Variants in CDH18 observed in about 807,000 individuals in gnomAD.
The protein encoded by CDH18 is cadherin 18.
A neutral mutation model predicts 67.9 loss-of-function variants in CDH18; 31 were observed. The ratio of observed to expected loss-of-function variants is 0.46; its 90% CI spans 0.34 to 0.62. CDH18 has a LOEUF of 0.62. Among genes scored for constraint, CDH18 ranks in the 20% least tolerant of loss-of-function variants. The pLI is 0.01. For synonymous variants in CDH18, 362 were observed against 347.2 expected (o/e 1.04, Z -0.48); for missense variants, 890 against 975.5 (o/e 0.91, Z 1.17).
intron 2 of CDH18, among the ~76,000 whole-genome samples, chr5:20,018,374 T>G (rs1286262216): frequency 1.3e-5 from 2 of 152,084 alleles, no homozygotes; most frequent in African/African-American, 4.8e-5. Context: ...GACATAGAGT[T>G]TTAGGTTCCA....
chr5:19,960,381 C>T (rs1301255580), intron 2 of CDH18, among the ~76,000 whole-genome samples: 2 of 151,500 alleles, frequency 1.3e-5, no homozygotes, highest in Non-Finnish European at 2.9e-5. Flanking sequence ...CAAATCAGGC[C>T]TATGCTAGCT....
chr5:19,653,996 C>G (rs1755957443), intron 5 of CDH18, among the ~76,000 whole-genome samples: 1 of 152,122 alleles, frequency 6.6e-6, no homozygotes, highest in South Asian at 2.1e-4. Flanking sequence ...TAATGTTTCC[C>G]TAACTAGAGC....
intron 3 of CDH18, among the ~76,000 whole-genome samples, chr5:19,809,512 AAAACTT>A (rs1386424784): frequency 7.8e-6 from 1 of 127,462 alleles, no homozygotes; most frequent in African/African-American, 2.8e-5. Context: ...CATGTACCCT[AAAACTT>A]AAAGTATAAT....
intron 1 of CDH18, among the ~76,000 whole-genome samples, chr5:20,500,050 T>C (rs1002462240): frequency 6.6e-6 from 1 of 152,132 alleles, no homozygotes; most frequent in African/African-American, 2.4e-5. Flanking sequence ...AATATCTAGT[T>C]TCTAGGCTTA....
At chr5:19,599,495 T>C (rs1263941354) in intron 6 of CDH18, among the ~76,000 whole-genome samples, 1 of 152,182 alleles carries the variant, frequency 6.6e-6, no homozygotes, top group Non-Finnish European at 1.5e-5. Context: ...ACTTACAGTA[T>C]ATATTTTGGT....
intron 5 of CDH18, among the ~76,000 whole-genome samples, chr5:19,672,593 C>T (rs748765830): frequency 1.3e-5 from 2 of 151,962 alleles, no homozygotes; most frequent in Non-Finnish European, 1.5e-5. Context: ...GACCAAACAA[C>T]TTAGTAAAAT....
intron 2 of CDH18, among the ~76,000 whole-genome samples, chr5:20,004,016 G>A (rs1736678002): frequency 6.6e-6 from 1 of 152,114 alleles, no homozygotes; most frequent in South Asian, 2.1e-4. Context: ...ATCGTTTTTT[G>A]TATCATACTT....
chr5:19,547,386 G>A (rs928868552), intron 8 of CDH18, among the ~76,000 whole-genome samples: 39 of 152,136 alleles, frequency 2.6e-4, no homozygotes, highest in Non-Finnish European at 1.3e-4. Context: ...CTTCAAAGTT[G>A]CCTGCAGCAA....
intron 5 of CDH18, among the ~76,000 whole-genome samples, chr5:19,623,496 G>A (rs547945992): frequency 1.4e-3 from 209 of 152,184 alleles, no homozygotes; most frequent in African/African-American, 4.7e-3. Flanking sequence ...TAAAAAATTT[G>A]TGTGCTCAAA....
chr5:19,515,623 G>A (rs1047311614), intron 10 of CDH18, among the ~76,000 whole-genome samples: 1 of 152,078 alleles, frequency 6.6e-6, no homozygotes, highest in African/African-American at 2.4e-5. Context: ...TTGTGAATGG[G>A]AGTTCACTCA....
chr5:19,891,346 C>A (rs1788764422), intron 2 of CDH18, among the ~76,000 whole-genome samples: 1 of 152,048 alleles, frequency 6.6e-6, no homozygotes, highest in South Asian at 2.1e-4. Context: ...TGAGTAGAAA[C>A]CTTTCCCAAA....
intron 5 of CDH18, among the ~76,000 whole-genome samples, chr5:19,635,563 A>G (rs977217318): frequency 6.6e-6 from 1 of 152,126 alleles, no homozygotes; most frequent in East Asian, 1.9e-4. Context: ...ACATGTAGCA[A>G]TTTGTAGGGA....
At chr5:20,371,036 C>CAAAAAAAAAAAAA (rs879271018) in intron 1 of CDH18, among the ~76,000 whole-genome samples, 2 of 129,208 alleles carry the variant, frequency 1.5e-5, no homozygotes, top group East Asian at 2.3e-4. Context: ...GACTCTGTCT[C>CAAAAAAAAAAAAA]AAAAAAAAAA....
chr5:19,881,574 T>A (rs1787648975), intron 2 of CDH18, among the ~76,000 whole-genome samples: 1 of 150,778 alleles, frequency 6.6e-6, no homozygotes. Flanking sequence ...AATGGCATGA[T>A]CCTGGCTCAC....
intron 9 of CDH18, 68 bp from the exon 10 acceptor site, chr5:19,520,846 C>T: frequency 6.6e-7 from 1 of 1,511,386 alleles, no homozygotes; most frequent in Non-Finnish European, 9.0e-7. Context: ...TAAAACAAAT[C>T]TCTTTAATAC....
chr5:19,681,483 C>G (rs1760318266), intron 5 of CDH18, among the ~76,000 whole-genome samples: 1 of 152,020 alleles, frequency 6.6e-6, no homozygotes, highest in African/African-American at 2.4e-5. Flanking sequence ...CTAAAAACTA[C>G]TTTCTTATAT....
At chr5:20,244,878 A>G (rs1018339614) in intron 2 of CDH18, among the ~76,000 whole-genome samples, 1 of 152,146 alleles carries the variant, frequency 6.6e-6, no homozygotes, top group Non-Finnish European at 1.5e-5. Context: ...AGAGAAAGAA[A>G]CAGACATATC....
chr5:19,875,425 TAGA>T (rs1786847776), intron 2 of CDH18, among the ~76,000 whole-genome samples: 3 of 150,076 alleles, frequency 2.0e-5, no homozygotes, highest in African/African-American at 7.5e-5. Flanking sequence ...GATAGATAGA[TAGA>T]TAGATAGATA....
intron 2 of CDH18, among the ~76,000 whole-genome samples, chr5:19,956,070 G>A (rs142655171): frequency 2.3e-3 from 352 of 152,002 alleles, no homozygotes; most frequent in African/African-American, 7.8e-3. Flanking sequence ...AGTGAAAACT[G>A]ATTTTATAGT....
Sources: gnomAD v4.1 joint callset for allele counts (sites outside exome capture counted in the v4.1 genomes callset) on GRCh38, gnomAD v4.1.1 for gene constraint, MANE v1.5 for transcripts, NCBI Gene and HGNC (gene_info 2026-07-23, HGNC 2026-07-21) for gene names.